The following RERE variants were observed in gnomAD, a reference collection of about 807,000 sequenced individuals.
RERE encodes the protein arginine-glutamic acid dipeptide repeats protein.
A neutral mutation model predicts 146.1 loss-of-function variants in RERE; 40 were observed. That is an observed-to-expected ratio of 0.27 (90% confidence interval 0.21 to 0.36). RERE has a LOEUF of 0.36. RERE is among the 10% of genes least tolerant of loss of function. The pLI is 1.00. For missense variants in RERE, 1,933 were observed against 2,138.7 expected, an observed-to-expected ratio of 0.90 and a Z score of 1.90; for synonymous variants, 1,003 against 866.0, an observed-to-expected ratio of 1.16 and a Z score of -2.78.
chr1:8,794,572 G>A (rs1641431591), intron 1 of RERE, among the ~76,000 whole-genome samples: 1 of 151,644 alleles, frequency 6.6e-6, no homozygotes, highest in South Asian at 2.1e-4. Context: ...CAGATTTCTG[G>A]GACTGAAAAA....
chr1:8,495,240 A>G, intron 9 of RERE, 78 bp from the exon 10 acceptor site: 1 of 1,066,552 alleles, frequency 9.4e-7, no homozygotes, highest in Non-Finnish European at 1.4e-6. Context: ...TTTTCAGAGG[A>G]CATTTCCAGC....
chr1:8,382,103 G>A (rs756781270), intron 12 of RERE, among the ~76,000 whole-genome samples: 3 of 152,240 alleles, frequency 2.0e-5, no homozygotes, highest in African/African-American at 2.4e-5. Context: ...AGGAGAAAGT[G>A]AGCACCAAAT....
At chr1:8,741,389 G>A (rs1391288499) in intron 1 of RERE, among the ~76,000 whole-genome samples, 1 of 152,202 alleles carries the variant, frequency 6.6e-6, no homozygotes, top group African/African-American at 2.4e-5. Context: ...GGGGTGACAT[G>A]GTTAGGCATT....
intron 12 of RERE, among the ~76,000 whole-genome samples, chr1:8,373,749 C>T (rs1302447685): frequency 6.6e-6 from 1 of 152,192 alleles, no homozygotes; most frequent in Non-Finnish European, 1.5e-5. Context: ...CTTTCCTTTC[C>T]CTCCCCAACG....
At chr1:8,763,125 T>C (rs1433881323) in intron 1 of RERE, among the ~76,000 whole-genome samples, 2 of 152,186 alleles carry the variant, frequency 1.3e-5, no homozygotes, top group African/African-American at 2.4e-5. Flanking sequence ...GACAGCTTGA[T>C]GGAGAAAGAT....
intron 2 of RERE, among the ~76,000 whole-genome samples, chr1:8,635,052 A>G (rs1647080741): frequency 6.6e-6 from 1 of 152,220 alleles, no homozygotes; most frequent in African/African-American, 2.4e-5. Context: ...AGATACTTTA[A>G]GAATAATTTA....
intron 1 of RERE, among the ~76,000 whole-genome samples, chr1:8,752,577 C>G (rs951783831): frequency 3.9e-5 from 6 of 152,114 alleles, no homozygotes; most frequent in Non-Finnish European, 8.8e-5. Context: ...AGTAAGAACA[C>G]TGACAAACTG....
At chr1:8,393,878 T>G (rs1201683728) in intron 12 of RERE, among the ~76,000 whole-genome samples, 1 of 152,162 alleles carries the variant, frequency 6.6e-6, no homozygotes, top group Non-Finnish European at 1.5e-5. Context: ...CTTTTAAAAC[T>G]TCCTTCATTT....
intron 1 of RERE, among the ~76,000 whole-genome samples, chr1:8,764,738 G>C (rs1354461837): frequency 6.6e-6 from 1 of 152,106 alleles, no homozygotes; most frequent in Non-Finnish European, 1.5e-5. Context: ...AAAGCAAAGG[G>C]CCAGTAAGCA....
intron 15 of RERE, among the ~76,000 whole-genome samples, chr1:8,363,053 G>A (rs557477616): frequency 6.6e-6 from 1 of 152,350 alleles, no homozygotes; most frequent in Admixed American, 6.5e-5. Flanking sequence ...AAATCAGTGG[G>A]CTCACGCCAG....
chr1:8,482,281 T>C, intron 10 of RERE, among the ~76,000 whole-genome samples: 1 of 152,120 alleles, frequency 6.6e-6, no homozygotes, highest in East Asian at 1.9e-4. Flanking sequence ...CTCTCTCATG[T>C]TTAGGGAAAA....
At chr1:8,359,145 G>A (rs12735291) in intron 19 of RERE, among the ~76,000 whole-genome samples, 2 of 152,218 alleles carry the variant, frequency 1.3e-5, no homozygotes, top group Non-Finnish European at 2.9e-5. Flanking sequence ...ATGGGAATGT[G>A]TCCCTGTGAG....
intron 2 of RERE, among the ~76,000 whole-genome samples, chr1:8,649,495 C>A (rs1445465585): frequency 6.6e-6 from 1 of 151,800 alleles, no homozygotes; most frequent in South Asian, 2.1e-4. Context: ...TTTGGGAGGC[C>A]GAGGTGGGCA....
intron 12 of RERE, among the ~76,000 whole-genome samples, chr1:8,366,942 C>CAAAAAAAAAAAAA (rs1557592178): frequency 7.4e-6 from 1 of 135,050 alleles, no homozygotes; most frequent in Non-Finnish European, 1.5e-5. Flanking sequence ...AAAAAAAAAA[C>CAAAAAAAAAAAAA]CCAAAAAACA....
intron 1 of RERE, among the ~76,000 whole-genome samples, chr1:8,779,744 C>A (rs576122242): frequency 6.6e-6 from 1 of 151,642 alleles, no homozygotes; most frequent in Non-Finnish European, 1.5e-5. Flanking sequence ...GTGCCTAGAA[C>A]AATGACAATC....
At chr1:8,806,186 C>T (rs1175266478) in intron 1 of RERE, among the ~76,000 whole-genome samples, 1 of 152,066 alleles carries the variant, frequency 6.6e-6, no homozygotes, top group African/African-American at 2.4e-5. Context: ...AATAACTAAG[C>T]TCTAAAATGT....
At chr1:8,501,667 G>A (rs1172261978) in intron 8 of RERE, among the ~76,000 whole-genome samples, 1 of 132,520 alleles carries the variant, frequency 7.5e-6, no homozygotes, top group African/African-American at 2.9e-5. Context: ...GGGAGGTGGG[G>A]GGTCAGCCCC....
intron 1 of RERE, among the ~76,000 whole-genome samples, chr1:8,695,829 C>T (rs1025759888): frequency 2.6e-5 from 4 of 151,994 alleles, no homozygotes; most frequent in African/African-American, 9.7e-5. Flanking sequence ...AAATATCATG[C>T]ATCTGACAAA....
chr1:8,369,596 T>A (rs189748012), intron 12 of RERE, among the ~76,000 whole-genome samples: 20 of 143,946 alleles, frequency 1.4e-4, no homozygotes, highest in Admixed American at 6.3e-4. Flanking sequence ...AAGTCACAGG[T>A]GGTAAGAACG....
Sources: allele counts gnomAD v4.1 joint callset (sites outside exome capture counted in the v4.1 genomes callset), GRCh38; gene constraint gnomAD v4.1.1; transcripts MANE v1.5; gene names NCBI Gene and HGNC (gene_info 2026-07-23, HGNC 2026-07-21).